Variants in RYR2 observed in about 807,000 individuals in gnomAD.
The protein encoded by RYR2 is ryanodine receptor 2.
Under a neutral mutation model 601.1 loss-of-function variants are expected in RYR2, and 227 were observed. The ratio of observed to expected loss-of-function variants is 0.38; its 90% CI spans 0.34 to 0.42. The LOEUF (loss-of-function observed/expected upper bound fraction) is 0.42, where lower values mean the gene tolerates loss of function less well. Ranked by LOEUF, RYR2 falls within the 10% of genes least tolerant of loss-of-function variation. The probability of loss-of-function intolerance (pLI) is 1.00; values close to 1 mark genes in which losing one functional copy is unlikely to be tolerated. For synonymous variants in RYR2, 2,223 were observed against 2,175.1 expected (o/e 1.02, Z -0.61); for missense variants, 4,646 against 6,156.5 (o/e 0.75, Z 8.21).
At chr1:237,742,137 A>G (rs1691661993) in intron 79 of RYR2, among the ~76,000 whole-genome samples, 159 bp from the exon 80 acceptor site, 1 of 152,200 alleles carries the variant, frequency 6.6e-6, no homozygotes, top group Non-Finnish European at 1.5e-5. Flanking sequence ...TCATGAATTC[A>G]TTGATTATGT....
intron 4 of RYR2, among the ~76,000 whole-genome samples, chr1:237,358,867 G>A (rs889902479): frequency 2.6e-5 from 4 of 152,072 alleles, no homozygotes; most frequent in Non-Finnish European, 5.9e-5. Context: ...AGGCAGGCAG[G>A]ATTCCAGGCC....
Position 237,785,020 on chromosome 1 carries a change from G to A in RYR2, c.13260+48G>A, listed in dbSNP as rs77082151. ...CAGCATTCTCTCTGGACTTCAGGTG[G>A]GTATAATAAATGATCATTAGACCAG... On this transcript the variant is annotated intron_variant, in intron 90 of 104. Transcript: ENST00000366574. The A allele has an allele frequency of 7.5e-4, 1,005 of 1,333,630 alleles. 7 individuals are homozygous for A. The East Asian group carries it at 0.02, about 26-fold the overall frequency. The allele number at this position is 1,333,630 out of a possible 1,614,324, so 82.6% of individuals were successfully genotyped here.
chr1:237,303,650 G>GA (rs1221618303), intron 2 of RYR2, among the ~76,000 whole-genome samples: 1 of 152,036 alleles, frequency 6.6e-6, no homozygotes, highest in Non-Finnish European at 1.5e-5. Flanking sequence ...TATACTACCT[G>GA]AAAACCTTGT....
At position 237,730,336 on chromosome 1, in the gene RYR2, A is replaced by C. The variant is rs1200519687; in HGVS notation, c.10915A>C (p.Lys3639Gln). 1 of 1,580,452 alleles carries C rather than the reference A, an allele frequency of 6.3e-7. No individual in the cohort carries two copies. The highest frequency in any genetic ancestry group is 8.7e-7 in the Non-Finnish European group (1 of 1,149,648). The change falls in exon 77 of 105, where the codon AAA becomes CAA. Residue 3639 changes from lysine (K) to glutamine (Q), a missense_variant. Around this residue, in one of 17 missense-constraint regions of RYR2, gnomAD observed 1,497 missense variants for 1,842.6 expected, o/e 0.81. Coordinates refer to ENST00000366574, the MANE Select transcript of RYR2 (RefSeq NM_001035.3). ...AACAGAAGAACATTACTTTGAAGATAAACTGATAGAAGATTTAGCAGTATG... is the reference window on the plus strand; with the variant it reads ...AACAGAAGAACATTACTTTGAAGATCAACTGATAGAAGATTTAGCAGTATG... Reference protein sequence around the residue: ...IETEEHYFEDKLIEDLAKPGA... With the variant: ...IETEEHYFEDQLIEDLAKPGA...
At chr1:237,263,544 A>G (rs551108435) in intron 1 of RYR2, among the ~76,000 whole-genome samples, 2 of 152,346 alleles carry the variant, frequency 1.3e-5, no homozygotes, top group East Asian at 1.9e-4. Context: ...TTAAATATCA[A>G]CCAGGAAACT....
At chr1:237,438,808 A>G (rs2997971) in intron 12 of RYR2, among the ~76,000 whole-genome samples, 132,916 of 152,306 alleles carry the variant, frequency 0.87, 58,422 homozygotes, top group East Asian at 0.99. Context: ...GCAAGGTGCT[A>G]TTTGTCTTTT....
chr1:237,600,161 C>T (rs1391064079), intron 34 of RYR2, among the ~76,000 whole-genome samples: 1 of 152,128 alleles, frequency 6.6e-6, no homozygotes, highest in African/African-American at 2.4e-5. Flanking sequence ...GGAAACATCA[C>T]ACTAACTGAG....
intron 1 of RYR2, among the ~76,000 whole-genome samples, chr1:237,266,802 G>A (rs953342370): frequency 6.6e-6 from 1 of 151,470 alleles, no homozygotes; most frequent in Non-Finnish European, 1.5e-5. Context: ...GAGCTCTCCT[G>A]AACTGAACCA....
intron 1 of RYR2, among the ~76,000 whole-genome samples, chr1:237,222,302 C>T (rs1572254901): frequency 6.6e-6 from 1 of 151,682 alleles, no homozygotes; most frequent in African/African-American, 2.4e-5. Context: ...AGTCCCAGCT[C>T]CTCGGGAGGC....
chr1:237,419,287 GTC>G (rs1310525349), intron 11 of RYR2, among the ~76,000 whole-genome samples: 3 of 151,458 alleles, frequency 2.0e-5, no homozygotes, highest in Non-Finnish European at 4.4e-5. Context: ...CCCTACATCT[GTC>G]TTATTTTTGG....
chr1:237,230,828 C>A (rs2149186593), intron 1 of RYR2, among the ~76,000 whole-genome samples: 1 of 148,706 alleles, frequency 6.7e-6, no homozygotes, highest in South Asian at 2.1e-4. Flanking sequence ...ACTCAGGAAG[C>A]TAAGACAGGA....
intron 1 of RYR2, among the ~76,000 whole-genome samples, chr1:237,184,433 A>G (rs1679119406): frequency 6.6e-6 from 1 of 151,912 alleles, no homozygotes; most frequent in South Asian, 2.1e-4. Flanking sequence ...ACAAGAGAAG[A>G]ACTACTTTTC....
chr1:237,714,127 TC>T (rs1330949525), intron 71 of RYR2, among the ~76,000 whole-genome samples: 2 of 152,284 alleles, frequency 1.3e-5, no homozygotes, highest in Non-Finnish European at 2.9e-5. Flanking sequence ...CACTTCATAA[TC>T]CCTTCACTCA....
chr1:237,406,133 T>A (rs1316538907), intron 10 of RYR2, among the ~76,000 whole-genome samples: 1 of 113,176 alleles, frequency 8.8e-6, no homozygotes. Flanking sequence ...ACAATTTATG[T>A]CCTTTCATCC....
intron 100 of RYR2, among the ~76,000 whole-genome samples, chr1:237,817,374 T>G (rs1248919673): frequency 6.6e-6 from 1 of 152,170 alleles, no homozygotes; most frequent in Admixed American, 6.5e-5. Flanking sequence ...GTCCTGAGAA[T>G]GTGAGATCTG....
intron 84 of RYR2, among the ~76,000 whole-genome samples, chr1:237,767,296 C>CT (rs1693919940): frequency 6.6e-6 from 1 of 152,048 alleles, no homozygotes; most frequent in Non-Finnish European, 1.5e-5. Flanking sequence ...CTGATGGTAA[C>CT]TTTACAACAT....
At chr1:237,140,878 T>C (rs2148756519) in intron 1 of RYR2, among the ~76,000 whole-genome samples, 1 of 152,344 alleles carries the variant, frequency 6.6e-6, no homozygotes, top group East Asian at 1.9e-4. Flanking sequence ...TATGCAGAGC[T>C]AGGCCGAGCT....
At chr1:237,224,709 A>C (rs906491335) in intron 1 of RYR2, among the ~76,000 whole-genome samples, 1 of 152,140 alleles carries the variant, frequency 6.6e-6, no homozygotes, top group Non-Finnish European at 1.5e-5. Context: ...ACATTTTAAA[A>C]AAAAGTTAGG....
At chr1:237,098,581 G>A (rs1004956569) in intron 1 of RYR2, among the ~76,000 whole-genome samples, 2 of 152,118 alleles carry the variant, frequency 1.3e-5, no homozygotes, top group Admixed American at 6.5e-5. Flanking sequence ...TATACACAGT[G>A]GAATAATATT....
Sources: allele counts gnomAD v4.1 joint callset (sites outside exome capture counted in the v4.1 genomes callset), GRCh38; gene constraint gnomAD v4.1.1; regional missense constraint gnomAD v4.1.1; transcripts MANE v1.5; gene names NCBI Gene and HGNC (gene_info 2026-07-23, HGNC 2026-07-21).